Variants in TIAM1 observed in about 807,000 individuals in gnomAD.
The protein encoded by TIAM1 is rho guanine nucleotide exchange factor TIAM1.
In TIAM1, 65 loss-of-function variants were observed where a neutral mutation model predicts 163.5. The ratio of observed to expected loss-of-function variants is 0.40; its 90% CI spans 0.33 to 0.49. TIAM1 has a LOEUF of 0.49. Ranked by LOEUF, TIAM1 falls within the 20% of genes least tolerant of loss-of-function variation. The pLI, the probability that TIAM1 is intolerant of heterozygous loss-of-function variation, is 0.77. For synonymous variants in TIAM1, 833 were observed against 810.1 expected (o/e 1.03, Z -0.48); for missense variants, 1,789 against 2,044.7 (o/e 0.87, Z 2.41).
At chr21:31,259,861 T>A (rs1241293449) in intron 4 of TIAM1, among the ~76,000 whole-genome samples, 1 of 151,968 alleles carries the variant, frequency 6.6e-6, no homozygotes, top group Non-Finnish European at 1.5e-5. Context: ...TAGTGTCTTC[T>A]GTTAAGCTAG....
intron 9 of TIAM1, among the ~76,000 whole-genome samples, chr21:31,216,111 G>A (rs534428269): frequency 6.6e-6 from 1 of 152,170 alleles, no homozygotes; most frequent in South Asian, 2.1e-4. Flanking sequence ...CAGAGGGTGC[G>A]GTTAGCCGAG....
intron 15 of TIAM1, among the ~76,000 whole-genome samples, chr21:31,181,430 C>T (rs1044708141): frequency 6.7e-6 from 1 of 149,904 alleles, no homozygotes. Context: ...AGGAAGACTT[C>T]GAAAGGCAGG....
At chr21:31,530,921 G>A (rs1181543161) in intron 1 of TIAM1, among the ~76,000 whole-genome samples, 1 of 152,082 alleles carries the variant, frequency 6.6e-6, no homozygotes, top group Non-Finnish European at 1.5e-5. Context: ...TCAAGAACAA[G>A]AAACAGGACT....
intron 16 of TIAM1, among the ~76,000 whole-genome samples, chr21:31,161,944 C>T (rs2083946807): frequency 6.6e-6 from 1 of 152,158 alleles, no homozygotes; most frequent in African/African-American, 2.4e-5. Flanking sequence ...TAAAAAGAGA[C>T]ACACAGAAAC....
At chr21:31,407,421 C>A (rs1405961546) in intron 2 of TIAM1, among the ~76,000 whole-genome samples, 1 of 152,034 alleles carries the variant, frequency 6.6e-6, no homozygotes, top group Non-Finnish European at 1.5e-5. Context: ...AAGATCCCAA[C>A]AACTTGTAAA....
intron 2 of TIAM1, among the ~76,000 whole-genome samples, chr21:31,453,738 T>A (rs960480510): frequency 5.3e-5 from 8 of 149,898 alleles, no homozygotes; most frequent in Admixed American, 1.3e-4. Context: ...AAATAAATTT[T>A]AAAAAATAAA....
At chr21:31,272,925 T>A (rs1042765753) in intron 3 of TIAM1, among the ~76,000 whole-genome samples, 22 of 152,134 alleles carry the variant, frequency 1.4e-4, no homozygotes, top group African/African-American at 4.3e-4. Context: ...TGATGTTGAT[T>A]ATAGGATAAA....
chr21:31,301,062 T>G (rs1015267245), intron 2 of TIAM1, among the ~76,000 whole-genome samples: 4 of 152,220 alleles, frequency 2.6e-5, no homozygotes, highest in Non-Finnish European at 5.9e-5. Flanking sequence ...TTGTGAATTT[T>G]GGAGCCGAGT....
intron 2 of TIAM1, among the ~76,000 whole-genome samples, chr21:31,310,229 G>A (rs572119062): frequency 1.3e-5 from 2 of 152,156 alleles, no homozygotes; most frequent in African/African-American, 4.8e-5. Flanking sequence ...GTCCCTGGAA[G>A]GCCTCCAAGC....
In TIAM1 at chr21:31,276,887, T is replaced by C. The variant is rs923234345; in HGVS notation, c.-167A>G. The C allele has an allele frequency of 6.6e-6, 1 of 152,122 alleles. No homozygotes were observed. The highest frequency in any genetic ancestry group is 2.4e-5 in the African/African-American group (1 of 41,436). The allele number at this position is 152,122 out of a possible 1,614,324, so 9.4% of individuals were successfully genotyped here. On this transcript the variant is annotated 5_prime_UTR_variant, in exon 3 of 28. Coordinates refer to ENST00000541036, the MANE Select transcript of TIAM1 (RefSeq NM_001353694.2). The stretch of plus-strand genomic sequence containing the variant: ...GGTGGCCATCACAGTTTCATCTAAG[T>C]CTGTGAGAATGCGCCAAAAACCTGG...
chr21:31,320,968 G>T (rs1434003823), intron 2 of TIAM1, among the ~76,000 whole-genome samples: 1 of 151,930 alleles, frequency 6.6e-6, no homozygotes, highest in African/African-American at 2.4e-5. Flanking sequence ...CTCCAGCCTG[G>T]GTGACAGAGT....
At chr21:31,507,179 A>ATT (rs572356384) in intron 1 of TIAM1, among the ~76,000 whole-genome samples, 7 of 44,580 alleles carry the variant, frequency 1.6e-4, no homozygotes, top group African/African-American at 1.9e-4. Context: ...CACCTTTTTA[A>ATT]TTTTTTTTTT....
At chr21:31,195,426 C>G in intron 12 of TIAM1, 121 bp from the exon 13 acceptor site, 1 of 695,232 alleles carries the variant, frequency 1.4e-6, no homozygotes, top group South Asian at 2.0e-5. Context: ...ACTTCACAAT[C>G]TTATCATTAA....
In TIAM1 at chr21:31,370,618, G is replaced by A. The variant is rs1369554220; in HGVS notation, c.-368-31196C>T. Among the ~76,000 whole-genome samples, 3 of 152,096 alleles carry A rather than the reference G, an allele frequency of 2.0e-5. No homozygotes were observed. In the East Asian group the frequency reaches 5.8e-4, roughly 29 times the overall value. On this transcript the variant is annotated intron_variant, in intron 2 of 28. Coordinates refer to the TIAM1 transcript ENST00000286827. ...TATACTATCCTCTCAATGTGTAAAT[G>A]TTTGAAATTACCCACAATAAAAAGG...
Position 31,210,720 on chromosome 21 carries a change from A to G in TIAM1, c.2218-505T>C, listed in dbSNP as rs1249104538. Among the ~76,000 whole-genome samples the G allele has an allele frequency of 4.8e-3, 595 of 123,468 alleles. 12 individuals carry two copies. Among genetic ancestry groups the G allele is most frequent in the East Asian group, 0.016 (63 of 3,992 alleles). 81.0% of individuals were successfully genotyped at this position (123,468 alleles called of 152,430 possible). On this transcript the variant is annotated intron_variant, in intron 10 of 27. Transcript: ENST00000541036. ...AAGAAAGAAAGAGAAAGAAAGAGAA[A>G]GAAAGAAAGAGAAAGAAGGAAGGAA...
At chr21:31,350,519 T>C (rs1245419596) in intron 2 of TIAM1, among the ~76,000 whole-genome samples, 1 of 152,162 alleles carries the variant, frequency 6.6e-6, no homozygotes, top group African/African-American at 2.4e-5. Context: ...ATTTCTCATG[T>C]AGAGTTGAGC....
intron 1 of TIAM1, among the ~76,000 whole-genome samples, chr21:31,479,382 TG>T (rs998900094): frequency 6.6e-6 from 1 of 151,044 alleles, no homozygotes; most frequent in Admixed American, 6.6e-5. Context: ...GATGGATGGA[TG>T]GATGGATGGA....
chr21:31,301,293 G>A (rs2074489042), intron 2 of TIAM1, among the ~76,000 whole-genome samples: 1 of 152,158 alleles, frequency 6.6e-6, no homozygotes, highest in Admixed American at 6.5e-5. Flanking sequence ...GATTAATACA[G>A]TGGAATTTAA....
At chr21:31,363,338 A>T (rs1017367382) in intron 2 of TIAM1, among the ~76,000 whole-genome samples, 6 of 152,120 alleles carry the variant, frequency 3.9e-5, no homozygotes, top group African/African-American at 1.4e-4. Context: ...AGACAAACGT[A>T]TTCCCACTTT....
Sources: allele counts gnomAD v4.1 joint callset (sites outside exome capture counted in the v4.1 genomes callset), GRCh38; gene constraint gnomAD v4.1.1; transcripts MANE v1.5; gene names NCBI Gene and HGNC (gene_info 2026-07-23, HGNC 2026-07-21).